STAB2: variants seen among roughly 807,000 people sequenced by gnomAD.
STAB2 encodes the protein stabilin 2.
A neutral mutation model predicts 338.1 loss-of-function variants in STAB2; 288 were observed. The ratio of observed to expected loss-of-function variants is 0.85; its 90% CI spans 0.77 to 0.94. The LOEUF (loss-of-function observed/expected upper bound fraction) is 0.94. Ranked by LOEUF, STAB2 falls within the 40% of genes least tolerant of loss-of-function variation. The pLI is 0.00. For missense variants in STAB2, 3,141 were observed against 3,210.1 expected, an observed-to-expected ratio of 0.98 and a Z score of 0.52; for synonymous variants, 1,202 against 1,193.3, an observed-to-expected ratio of 1.01 and a Z score of -0.15.
At chr12:103,664,129 T>TTTTGG (rs774432121) in intron 18 of STAB2, among the ~76,000 whole-genome samples, 2 of 142,364 alleles carry the variant, frequency 1.4e-5, no homozygotes, top group African/African-American at 5.1e-5. Context: ...TTTTGTTTTG[T>TTTTGG]TTTTGTTTGT....
chr12:103,760,091 C>T (rs1402441423), intron 65 of STAB2, among the ~76,000 whole-genome samples: 2 of 152,214 alleles, frequency 1.3e-5, no homozygotes, highest in Non-Finnish European at 2.9e-5. Flanking sequence ...TACTCCCAGT[C>T]TCCAGTAAGG....
At chr12:103,615,166 G>T (rs750435425) in intron 3 of STAB2, among the ~76,000 whole-genome samples, 1 of 152,174 alleles carries the variant, frequency 6.6e-6, no homozygotes, top group Non-Finnish European at 1.5e-5. Context: ...TTTCTAATTT[G>T]CACAAAGGCT....
At chr12:103,715,342 T>C (rs1880222920) in intron 42 of STAB2, among the ~76,000 whole-genome samples, 1 of 152,162 alleles carries the variant, frequency 6.6e-6, no homozygotes, top group Admixed American at 6.5e-5. Flanking sequence ...TGATAAGCAG[T>C]CAGAGGAGAC....
chr12:103,732,249 C>T (rs1667817067), intron 50 of STAB2, among the ~76,000 whole-genome samples: 1 of 152,140 alleles, frequency 6.6e-6, no homozygotes, highest in Non-Finnish European at 1.5e-5. Flanking sequence ...GCAGAGGTTG[C>T]AGTAAGCTGA....
chr12:103,669,496 G>A, intron 20 of STAB2, 45 bp from the exon 21 acceptor site: 1 of 1,476,280 alleles, frequency 6.8e-7, no homozygotes. Context: ...AGGAATTGGT[G>A]CTCTACTTGG....
At chr12:103,677,871 C>G (rs554345639) in intron 25 of STAB2, among the ~76,000 whole-genome samples, 2 of 152,348 alleles carry the variant, frequency 1.3e-5, no homozygotes, top group South Asian at 4.1e-4. Context: ...TGCATCCAGT[C>G]TGACTCCAGG....
intron 64 of STAB2, among the ~76,000 whole-genome samples, chr12:103,758,805 G>A (rs1204488343): frequency 6.6e-6 from 1 of 152,180 alleles, no homozygotes; most frequent in Non-Finnish European, 1.5e-5. Context: ...TTCAATTCAC[G>A]CACAGGTGGC....
At chr12:103,751,975 C>T (rs1465339771) in intron 60 of STAB2, among the ~76,000 whole-genome samples, 1 of 152,118 alleles carries the variant, frequency 6.6e-6, no homozygotes, top group African/African-American at 2.4e-5. Flanking sequence ...CAGGAGGAAG[C>T]GCCTGCCCTC....
At chr12:103,705,430 G>C (rs1879256935) in intron 36 of STAB2, among the ~76,000 whole-genome samples, 1 of 152,188 alleles carries the variant, frequency 6.6e-6, no homozygotes, top group Admixed American at 6.5e-5. Flanking sequence ...ATAATTATTG[G>C]ATTTTGCCAC....
At chr12:103,740,496 A>C (rs1882492114) in intron 54 of STAB2, 134 bp from the exon 55 acceptor site, 3 of 1,244,604 alleles carry the variant, frequency 2.4e-6, no homozygotes, top group Non-Finnish European at 3.2e-6. Context: ...TTGGAAAAAA[A>C]AAGTTGGCTC....
intron 52 of STAB2, 72 bp from the exon 53 acceptor site, chr12:103,737,562 G>A: frequency 1.4e-6 from 2 of 1,476,284 alleles, no homozygotes; most frequent in Non-Finnish European, 9.0e-7. Context: ...ATGTGTGAAA[G>A]AGATTGACTG....
chr12:103,636,607 C>A (rs1258648003), intron 6 of STAB2, among the ~76,000 whole-genome samples: 1 of 152,100 alleles, frequency 6.6e-6, no homozygotes, highest in African/African-American at 2.4e-5. Context: ...ACCCTGGCTG[C>A]TGCCCCTGCT....
rs1403439108 is a variant in STAB2, at chr12:103,706,949, C to A, written c.4154C>A (p.Thr1385Asn). The A allele has an allele frequency of 3.1e-6, 5 of 1,614,050 alleles. No homozygotes were observed. Among genetic ancestry groups the A allele is most frequent in the Middle Eastern group, 3.3e-4 (2 of 6,084 alleles). Residue 1385 changes from threonine (T) to asparagine (N), a missense_variant, in exon 38 of 69, where the codon ACC (threonine) becomes AAC (asparagine). By Grantham distance (65) the Thr-to-Asn change is moderately conservative (BLOSUM62 0). Coordinates refer to ENST00000388887, the MANE Select transcript of STAB2 (RefSeq NM_017564.10). ...GGCTTCAGCGGCACAGCCTGCGAGA[C>A]CTGCACCGAGGGCAAGTACGGCATC... The part of the protein sequence containing the change: ...GEGFSGTACE[T>N]CTEGKYGIHC...
intron 24 of STAB2, 65 bp downstream of exon 24, chr12:103,676,086 G>C: frequency 9.6e-7 from 1 of 1,039,094 alleles, no homozygotes; most frequent in Non-Finnish European, 1.3e-6. Flanking sequence ...TTTTGAGACA[G>C]AGTCTCGCTC....
chr12:103,690,048 T>G, intron 29 of STAB2, 66 bp downstream of exon 29: 2 of 1,559,478 alleles, frequency 1.3e-6, no homozygotes, highest in Non-Finnish European at 1.7e-6. Flanking sequence ...GTCTTTGAAG[T>G]TCAATGTAGG....
In STAB2 at chr12:103,615,855, T is replaced by A. The variant is rs139248252; in HGVS notation, c.332-4613T>A. Among the ~76,000 whole-genome samples the A allele has an allele frequency of 4.1e-3, 617 of 152,274 alleles. 4 individuals are homozygous for A. Among genetic ancestry groups the A allele is most frequent in the African/African-American group, 0.013 (544 of 41,554 alleles). On this transcript the variant is annotated intron_variant, in intron 3 of 68. Coordinates refer to ENST00000388887, the MANE Select transcript of STAB2 (RefSeq NM_017564.10). ...ATCAGATCTCGTGAGACTCATTCAC[T>A]ATCACAAGAACAGCACGGGGGAAAC...
chr12:103,648,261 G>C lies in STAB2; in HGVS notation c.1041-429G>C, dbSNP rs765102476. 1.4e-4 allele frequency among the ~76,000 whole-genome samples: 22 copies of C among 152,156 alleles called. 1 individual carries two copies. Among genetic ancestry groups the C allele is most frequent in the South Asian group, 6.2e-4 (3 of 4,828 alleles). On this transcript the variant is annotated intron_variant, in intron 9 of 68. Coordinates refer to ENST00000388887, the MANE Select transcript of STAB2 (RefSeq NM_017564.10). ...CTCTCAGCTAGGAAGGAGCAGGGGTGGGGGAAGCATTCTAAGTAGATCAAT... is the reference window on the plus strand; with the variant it reads ...CTCTCAGCTAGGAAGGAGCAGGGGTCGGGGAAGCATTCTAAGTAGATCAAT...
intron 8 of STAB2, among the ~76,000 whole-genome samples, chr12:103,639,523 C>T (rs1031682719): frequency 2.6e-5 from 4 of 151,772 alleles, no homozygotes. Flanking sequence ...GGCAACATAG[C>T]GAAACCTCGT....
At chr12:103,671,695 CTA>C (rs1179146790) in intron 22 of STAB2, among the ~76,000 whole-genome samples, 23 of 152,318 alleles carry the variant, frequency 1.5e-4, no homozygotes, top group African/African-American at 5.5e-4. Flanking sequence ...TATTATCTCA[CTA>C]TTTTTATCTA....
Sources: allele counts gnomAD v4.1 joint callset (sites outside exome capture counted in the v4.1 genomes callset), GRCh38; gene constraint gnomAD v4.1.1; transcripts MANE v1.5; gene names NCBI Gene and HGNC (gene_info 2026-07-23, HGNC 2026-07-21).